Variants in PDZD2 observed in about 807,000 individuals in gnomAD.
The protein encoded by PDZD2 is PDZ domain-containing protein 2.
A neutral mutation model predicts 220.7 loss-of-function variants in PDZD2; 90 were observed. The ratio of observed to expected loss-of-function variants is 0.41; its 90% CI spans 0.34 to 0.49. The LOEUF is 0.49. Among genes scored for constraint, PDZD2 ranks in the 20% least tolerant of loss-of-function variants. The pLI, the probability that PDZD2 is intolerant of heterozygous loss-of-function variation, is 0.28. For missense variants in PDZD2, 3,174 were observed against 3,608.5 expected (o/e 0.88, Z 3.08); for synonymous variants, 1,375 against 1,450.5 (o/e 0.95, Z 1.18).
chr5:32,059,648 C>A (rs376356845), intron 13 of PDZD2, among the ~76,000 whole-genome samples: 2 of 152,268 alleles, frequency 1.3e-5, no homozygotes, highest in Admixed American at 6.5e-5. Context: ...ATACAGATAT[C>A]TATGATTAGC....
intron 6 of PDZD2, among the ~76,000 whole-genome samples, chr5:32,014,899 G>A (rs996368156): frequency 2.0e-5 from 3 of 148,980 alleles, no homozygotes; most frequent in South Asian, 2.1e-4. Flanking sequence ...AGTAGAGAAC[G>A]GGGTTCCACC....
chr5:31,649,438 C>G (rs917875273), intron 1 of PDZD2, among the ~76,000 whole-genome samples: 4 of 151,724 alleles, frequency 2.6e-5, no homozygotes, highest in Non-Finnish European at 5.9e-5. Flanking sequence ...AACATATGAT[C>G]TAACAGGAAA....
chr5:31,926,818 A>G (rs1744820257), intron 2 of PDZD2, among the ~76,000 whole-genome samples: 1 of 151,890 alleles, frequency 6.6e-6, no homozygotes, highest in African/African-American at 2.4e-5. Flanking sequence ...GAATGAACCT[A>G]TGTGCCCATT....
At position 32,045,877 on chromosome 5, in the gene PDZD2, C is replaced by T. The variant is rs191475434; in HGVS notation, c.1520-2662C>T. Among the ~76,000 whole-genome samples, 313 of 151,920 alleles carry T rather than the reference C, an allele frequency of 2.1e-3. 1 individual carries two copies. Among genetic ancestry groups the T allele is most frequent in the Non-Finnish European group, 3.6e-3 (247 of 67,964 alleles). On this transcript the variant is annotated intron_variant, in intron 7 of 24. Coordinates refer to ENST00000438447, the MANE Select transcript of PDZD2 (RefSeq NM_178140.4). ...TATGACTGTATCAGCTTTCTTCCCA[C>T]TTTCTATCACTTTTAATAACTCATC...
intron 1 of PDZD2, among the ~76,000 whole-genome samples, chr5:31,758,414 A>C (rs1751426850): frequency 6.6e-6 from 1 of 152,162 alleles, no homozygotes; most frequent in African/African-American, 2.4e-5. Flanking sequence ...CAGCAGATGC[A>C]TGTGGGGCCT....
chr5:31,663,796 A>C (rs530503419), intron 1 of PDZD2, among the ~76,000 whole-genome samples: 2 of 152,320 alleles, frequency 1.3e-5, no homozygotes, highest in South Asian at 2.1e-4. Flanking sequence ...TATGAATCAC[A>C]AGACAGCTGG....
In PDZD2 at chr5:31,942,918, C is replaced by T. The variant is rs551483005; in HGVS notation, c.477-40237C>T. Among the ~76,000 whole-genome samples, 104 of 152,262 alleles carry T rather than the reference C, an allele frequency of 6.8e-4. 1 individual carries two copies. In the South Asian group the frequency reaches 0.011, roughly 16 times the overall value. On this transcript the variant is annotated intron_variant, in intron 2 of 24. Transcript: ENST00000438447. ...GATGTGTAGTTTTGAAATACAGAGA[C>T]AAGGCCGGGCACGGTGACTCACGCC...
intron 1 of PDZD2, among the ~76,000 whole-genome samples, chr5:31,722,550 G>A (rs1242662508): frequency 2.6e-5 from 4 of 152,110 alleles, no homozygotes; most frequent in Non-Finnish European, 5.9e-5. Context: ...TTTAAAAGTT[G>A]TACACAAGAT....
intron 2 of PDZD2, among the ~76,000 whole-genome samples, chr5:31,849,955 TATATATAC>T: frequency 4.5e-5 from 1 of 22,370 alleles, no homozygotes; most frequent in African/African-American, 2.9e-4. Context: ...TATACATATA[TATATATAC>T]ACATATATAT....
intron 6 of PDZD2, among the ~76,000 whole-genome samples, chr5:32,015,945 C>T (rs1271492611): frequency 2.0e-5 from 3 of 152,176 alleles, no homozygotes; most frequent in African/African-American, 7.2e-5. Context: ...AATCAGGAGA[C>T]CCGTATCCGG....
Position 32,089,775 on chromosome 5 carries a change from A to G in PDZD2, c.6327A>G (p.Pro2109=), listed in dbSNP as rs1469423590. The G allele has an allele frequency of 6.2e-7, 1 of 1,614,228 alleles. No homozygotes were observed. Among genetic ancestry groups the G allele is most frequent in the Admixed American group, 1.7e-5 (1 of 60,034 alleles). ...CAGAGACTGTATGTGGTAACAAGCCAGCTGAAAGCGACAGACGGGGAGGGT... is the reference window on the plus strand; with the variant it reads ...CAGAGACTGTATGTGGTAACAAGCCGGCTGAAAGCGACAGACGGGGAGGGT... The part of the protein sequence containing the change: ...AVSETVCGNK[P]AESDRRGGCL... The change falls in exon 20 of 25, where the codon CCA becomes CCG. Residue 2109 remains proline (P), a synonymous_variant. Transcript: ENST00000438447.
At chr5:31,847,798 C>T (rs1298481530) in intron 2 of PDZD2, 6 of 573,636 alleles carry the variant, frequency 1.0e-5, no homozygotes, top group Non-Finnish European at 2.0e-5. Context: ...CAGTACCAGA[C>T]GATTCCCTGG....
intron 2 of PDZD2, among the ~76,000 whole-genome samples, chr5:31,911,266 C>T (rs1387131890): frequency 6.6e-6 from 1 of 152,226 alleles, no homozygotes. Flanking sequence ...CCTATTTTCT[C>T]TGAAACTCTA....
intron 2 of PDZD2, among the ~76,000 whole-genome samples, chr5:31,845,874 G>A (rs1410433355): frequency 6.6e-6 from 1 of 152,214 alleles, no homozygotes; most frequent in Non-Finnish European, 1.5e-5. Flanking sequence ...TAGCTACTTA[G>A]TACTTGGTTC....
At chr5:31,760,908 G>A (rs1751600552) in intron 1 of PDZD2, among the ~76,000 whole-genome samples, 1 of 152,152 alleles carries the variant, frequency 6.6e-6, no homozygotes, top group African/African-American at 2.4e-5. Context: ...GGCGATGAGA[G>A]CGAGACCCTG....
Position 31,775,684 on chromosome 5 carries a change from T to TGTGTGTGTGTGTGA in PDZD2, c.-360-23192_-360-23191insAGTGTGTGTGTGTG, listed in dbSNP as rs1554073341. 6.8e-3 allele frequency among the ~76,000 whole-genome samples: 1,035 copies of TGTGTGTGTGTGTGA among 151,294 alleles called. 13 individuals carry two copies. Among genetic ancestry groups the TGTGTGTGTGTGTGA allele is most frequent in the African/African-American group, 0.024 (993 of 41,122 alleles). On this transcript the variant is annotated intron_variant, in intron 1 of 24. Transcript: ENST00000438447. ...CAGAGCGTGTGTGTGTGTGTGTGTG[T>TGTGTGTGTGTGTGA]GTGTGTGTGTGTGTGTGTGTGTAGT...
chr5:31,744,043 G>A (rs1275430481), intron 1 of PDZD2: 1 of 152,164 alleles, frequency 6.6e-6, no homozygotes, highest in Non-Finnish European at 1.5e-5. Flanking sequence ...TTACTAATGT[G>A]GTAAGAGCTT....
At chr5:32,021,124 C>T (rs1258332682) in intron 6 of PDZD2, among the ~76,000 whole-genome samples, 1 of 151,238 alleles carries the variant, frequency 6.6e-6, no homozygotes, top group Non-Finnish European at 1.5e-5. Context: ...TAGCACACAG[C>T]CTGAGAAATA....
chr5:31,728,785 T>C (rs1479900754), intron 1 of PDZD2, among the ~76,000 whole-genome samples: 1 of 152,244 alleles, frequency 6.6e-6, no homozygotes, highest in Non-Finnish European at 1.5e-5. Flanking sequence ...TGCATCATTA[T>C]TGATTAATTT....
Sources: gnomAD v4.1 joint callset for allele counts (sites outside exome capture counted in the v4.1 genomes callset) on GRCh38, gnomAD v4.1.1 for gene constraint, MANE v1.5 for transcripts, NCBI Gene and HGNC (gene_info 2026-07-23, HGNC 2026-07-21) for gene names.